CDH4: variants seen among roughly 807,000 people sequenced by gnomAD.
CDH4 encodes the protein cadherin-4.
In CDH4, 33 loss-of-function variants were observed where a neutral mutation model predicts 86.0. The observed-to-expected ratio is 0.38, with a 90% CI of 0.29 to 0.51. The LOEUF (loss-of-function observed/expected upper bound fraction) is 0.51. Ranked by LOEUF, CDH4 falls within the 20% of genes least tolerant of loss-of-function variation. CDH4 has a pLI of 0.86. For missense variants in CDH4, 1,114 were observed against 1,307.4 expected (o/e 0.85, Z 2.28); for synonymous variants, 555 against 549.4 (o/e 1.01, Z -0.14).
intron 2 of CDH4, among the ~76,000 whole-genome samples, chr20:61,662,669 G>T (rs11908155): frequency 0.23 from 34,341 of 152,132 alleles, 4,254 homozygotes; most frequent in African/African-American, 0.35. Context: ...TTAGAGAGAG[G>T]AACGGACAGT....
intron 2 of CDH4, among the ~76,000 whole-genome samples, chr20:61,504,704 G>A (rs1039745695): frequency 2.6e-5 from 4 of 152,242 alleles, no homozygotes; most frequent in Non-Finnish European, 4.4e-5. Context: ...TGCAGTGACA[G>A]CGTCTTTGCC....
chr20:61,626,436 G>A (rs761534935), intron 2 of CDH4, among the ~76,000 whole-genome samples: 1 of 151,528 alleles, frequency 6.6e-6, no homozygotes, highest in Non-Finnish European at 1.5e-5. Flanking sequence ...GTGTGTGCAC[G>A]TGACTTGCAG....
At chr20:61,910,370 G>GCATAT in intron 8 of CDH4, 52 bp from the exon 9 acceptor site, 1 of 1,521,004 alleles carries the variant, frequency 6.6e-7, no homozygotes, top group South Asian at 1.1e-5. Flanking sequence ...ACTTCTCTGT[G>GCATAT]CATATTTACA....
At chr20:61,791,812 G>A (rs987139858) in intron 4 of CDH4, among the ~76,000 whole-genome samples, 1 of 152,088 alleles carries the variant, frequency 6.6e-6, no homozygotes, top group African/African-American at 2.4e-5. Flanking sequence ...AGACCCGCAA[G>A]TGCAAAGGCC....
At chr20:61,658,074 G>A (rs2087211257) in intron 2 of CDH4, among the ~76,000 whole-genome samples, 2 of 152,126 alleles carry the variant, frequency 1.3e-5, no homozygotes, top group African/African-American at 4.8e-5. Flanking sequence ...CCCCAGCCAG[G>A]CACAGGAGCT....
chr20:61,651,827 G>A (rs1016090887), intron 2 of CDH4, among the ~76,000 whole-genome samples: 6 of 152,148 alleles, frequency 3.9e-5, no homozygotes, highest in Admixed American at 2.0e-4. Flanking sequence ...ATGGCATTCC[G>A]ATTTTCAGTC....
intron 5 of CDH4, among the ~76,000 whole-genome samples, chr20:61,847,569 G>C (rs1342766559): frequency 6.6e-6 from 1 of 152,278 alleles, no homozygotes; most frequent in Non-Finnish European, 1.5e-5. Context: ...AACACGCTGT[G>C]TAAACATGTG....
intron 6 of CDH4, among the ~76,000 whole-genome samples, chr20:61,854,227 C>T (rs1056851101): frequency 1.3e-5 from 2 of 152,156 alleles, no homozygotes; most frequent in Admixed American, 6.5e-5. Context: ...GGGCACCACA[C>T]GCCCCTGCAG....
At chr20:61,411,218 G>T (rs1267328614) in intron 2 of CDH4, among the ~76,000 whole-genome samples, 1 of 151,384 alleles carries the variant, frequency 6.6e-6, no homozygotes, top group Non-Finnish European at 1.5e-5. Flanking sequence ...GCTTTCACGG[G>T]TCTAATGTTC....
In CDH4 at chr20:61,392,806, C is replaced by G. The variant is rs1488966828; in HGVS notation, c.169+137869C>G. Among the ~76,000 whole-genome samples, 2 of 152,172 alleles carry G rather than the reference C, an allele frequency of 1.3e-5. No individual in the cohort carries two copies. Among genetic ancestry groups the G allele is most frequent in the Admixed American group, 6.5e-5 (1 of 15,278 alleles). On this transcript the variant is annotated intron_variant, in intron 2 of 15. Coordinates refer to ENST00000614565, the MANE Select transcript of CDH4 (RefSeq NM_001794.5). This position sits in a 1 kb window ranked among gnomAD's most constrained non-coding sequence, Gnocchi z 5.7. ...CTAGCGGGGTAGAAACACTGGCCCC[C>G]CACGGTGCTCTAGAAATGTCAGATG...
intron 2 of CDH4, among the ~76,000 whole-genome samples, chr20:61,451,129 C>CACT (rs1555851643): frequency 0.029 from 4,380 of 149,758 alleles, 108 homozygotes; most frequent in Non-Finnish European, 0.044. Context: ...CACGCCCCCC[C>CACT]CCTTCCCTCC....
chr20:61,866,307 G>T (rs1012852129), intron 6 of CDH4, among the ~76,000 whole-genome samples: 2 of 152,128 alleles, frequency 1.3e-5, no homozygotes, highest in African/African-American at 4.8e-5. Flanking sequence ...GACAGCCAGG[G>T]TTTTCCACAC....
chr20:61,517,744 T>C lies in CDH4; in HGVS notation c.170-225819T>C, dbSNP rs778336382. On this transcript the variant is annotated intron_variant, in intron 2 of 15. Coordinates refer to ENST00000614565, the MANE Select transcript of CDH4 (RefSeq NM_001794.5). This position sits in a 1 kb window ranked among gnomAD's most constrained non-coding sequence, Gnocchi z 6.6. ...ACAGCACACTCAAGGTCACCATTCG[T>C]CTTATTCTTGTCAGCTATTATATGT... Among the ~76,000 whole-genome samples, 52 of 152,200 alleles carry C rather than the reference T, an allele frequency of 3.4e-4. No individual in the cohort carries two copies. Among genetic ancestry groups the C allele is most frequent in the Non-Finnish European group, 6.2e-4 (42 of 68,042 alleles).
At chr20:61,918,473 G>A (rs1337049096) in intron 9 of CDH4, among the ~76,000 whole-genome samples, 27 of 152,172 alleles carry the variant, frequency 1.8e-4, no homozygotes, top group Non-Finnish European at 4.0e-4. Context: ...CGCTGGGGAG[G>A]CGGAGGTACA....
chr20:61,441,541 C>T (rs1251921873), intron 2 of CDH4, among the ~76,000 whole-genome samples: 2 of 152,204 alleles, frequency 1.3e-5, no homozygotes, highest in African/African-American at 4.8e-5. Context: ...AAACCTAACT[C>T]CAAGGCGATG....
At chr20:61,935,751 G>A (rs1194544024) in intron 15 of CDH4, among the ~76,000 whole-genome samples, 1 of 152,210 alleles carries the variant, frequency 6.6e-6, no homozygotes, top group East Asian at 1.9e-4. Context: ...GCTGGGCATG[G>A]TGGCGGGCAC....
At chr20:61,680,452 G>A (rs1391704802) in intron 2 of CDH4, among the ~76,000 whole-genome samples, 1 of 152,200 alleles carries the variant, frequency 6.6e-6, no homozygotes, top group Non-Finnish European at 1.5e-5. Context: ...AGGCTGTGGG[G>A]AGAGTGAGAA....
chr20:61,378,207 T>TCA (rs1430753709), intron 2 of CDH4, among the ~76,000 whole-genome samples: 20 of 152,196 alleles, frequency 1.3e-4, no homozygotes, highest in Non-Finnish European at 1.0e-4. Flanking sequence ...TGAGCCATGA[T>TCA]CATTGCCACT....
intron 2 of CDH4, among the ~76,000 whole-genome samples, chr20:61,263,091 A>G (rs2084137031): frequency 6.6e-6 from 1 of 152,178 alleles, no homozygotes; most frequent in South Asian, 2.1e-4. Context: ...CATAAGCCGA[A>G]TGAAGCTTCT....
Sources: allele counts gnomAD v4.1 joint callset (sites outside exome capture counted in the v4.1 genomes callset), GRCh38; gene constraint gnomAD v4.1.1; non-coding constraint Gnocchi (gnomAD v3.1); transcripts MANE v1.5; gene names NCBI Gene and HGNC (gene_info 2026-07-23, HGNC 2026-07-21).